The following CHD9 variants were observed in gnomAD, a reference collection of about 807,000 sequenced individuals.
CHD9 encodes ATP-dependent chromatin remodeler CHD9.
Under a neutral mutation model 316.1 loss-of-function variants are expected in CHD9, and 77 were observed. That is an observed-to-expected ratio of 0.24 (90% CI 0.20 to 0.29). CHD9 has a LOEUF of 0.29. Among genes scored for constraint, CHD9 ranks in the 10% least tolerant of loss-of-function variants. CHD9 has a pLI of 1.00. For missense variants in CHD9, 2,763 were observed against 3,438.1 expected, an observed-to-expected ratio of 0.80 and a Z score of 4.91; for synonymous variants, 1,129 against 1,158.3, an observed-to-expected ratio of 0.97 and a Z score of 0.51.
chr16:53,254,771 T>C, intron 18 of CHD9, 166 bp downstream of exon 18: 1 of 458,670 alleles, frequency 2.2e-6, no homozygotes, highest in Non-Finnish European at 3.8e-6. Flanking sequence ...TACTTTTGAA[T>C]CCTTTTCTTT....
intron 24 of CHD9, among the ~76,000 whole-genome samples, chr16:53,278,454 C>T (rs1720243487): frequency 6.6e-6 from 1 of 152,030 alleles, no homozygotes; most frequent in Non-Finnish European, 1.5e-5. Context: ...GAAATAAAGC[C>T]AAACACAGCC....
intron 36 of CHD9, among the ~76,000 whole-genome samples, chr16:53,317,768 GT>G (rs2056991086): frequency 6.6e-6 from 1 of 152,120 alleles, no homozygotes; most frequent in Admixed American, 6.5e-5. Context: ...TTAAAATAAT[GT>G]TTGGCCAGGC....
At position 53,156,376 on chromosome 16, in the gene CHD9, C is replaced by T. The variant is rs776447998; in HGVS notation, c.287C>T (p.Pro96Leu). ...FGSPAEHVLS[P>L]HSQFNCSPIH... is the part of the protein sequence containing the mutation. Reference sequence around the variant, plus strand: ...AGCCCAGCTGAACATGTGTTATCTCCACACTCTCAGTTTAATTGTTCTCCA... The same window carrying T: ...AGCCCAGCTGAACATGTGTTATCTCTACACTCTCAGTTTAATTGTTCTCCA... Residue 96 changes from proline to leucine, a missense_variant, in exon 2 of 39, where the codon CCA becomes CTA. Coordinates refer to ENST00000447540, the MANE Select transcript of CHD9 (RefSeq NM_001308319.2). 1 of 1,613,958 alleles carries T rather than the reference C, an allele frequency of 6.2e-7. No individual in the cohort carries two copies. Among genetic ancestry groups the T allele is most frequent in the South Asian group, 1.1e-5 (1 of 91,084 alleles).
At chr16:53,206,828 T>C (rs1307805431) in intron 2 of CHD9, among the ~76,000 whole-genome samples, 1 of 152,216 alleles carries the variant, frequency 6.6e-6, no homozygotes, top group Non-Finnish European at 1.5e-5. Flanking sequence ...CTTGTCTCCA[T>C]TATCACTGTT....
chr16:53,119,649 A>G (rs1211456484), intron 1 of CHD9, among the ~76,000 whole-genome samples: 1 of 152,206 alleles, frequency 6.6e-6, no homozygotes, highest in African/African-American at 2.4e-5. Flanking sequence ...CCTGGCCAAC[A>G]TGGTGAAATC....
At chr16:53,251,073 A>G (rs1471253737) in intron 17 of CHD9, among the ~76,000 whole-genome samples, 1 of 152,258 alleles carries the variant, frequency 6.6e-6, no homozygotes, top group Non-Finnish European at 1.5e-5. Flanking sequence ...TTAATAAGCC[A>G]GAGACCACCA....
chr16:53,115,178 G>A (rs2038195592), intron 1 of CHD9, among the ~76,000 whole-genome samples: 1 of 152,140 alleles, frequency 6.6e-6, no homozygotes, highest in Non-Finnish European at 1.5e-5. Context: ...AATGTTTATA[G>A]CAGCCTAGAG....
chr16:53,196,772 T>C (rs776361456), intron 2 of CHD9, among the ~76,000 whole-genome samples: 1 of 152,232 alleles, frequency 6.6e-6, no homozygotes, highest in South Asian at 2.1e-4. Context: ...GATTGCACTT[T>C]TCTGTAAATT....
At chr16:53,162,399 A>G (rs765701250) in intron 2 of CHD9, among the ~76,000 whole-genome samples, 1 of 152,234 alleles carries the variant, frequency 6.6e-6, no homozygotes, top group Non-Finnish European at 1.5e-5. Flanking sequence ...TGAGAGAATA[A>G]TACTCTGAAC....
chr16:53,290,951 G>A (rs1250454362), intron 27 of CHD9, among the ~76,000 whole-genome samples: 1 of 152,146 alleles, frequency 6.6e-6, no homozygotes, highest in Non-Finnish European at 1.5e-5. Flanking sequence ...CAATAAGAAA[G>A]AAGCACTATG....
At chr16:53,271,735 G>A (rs949084668) in intron 22 of CHD9, among the ~76,000 whole-genome samples, 11 of 152,040 alleles carry the variant, frequency 7.2e-5, no homozygotes, top group Non-Finnish European at 1.3e-4. Flanking sequence ...TGTAAAAACA[G>A]TGAAAGCAGA....
intron 1 of CHD9, among the ~76,000 whole-genome samples, chr16:53,096,056 A>G (rs980632926): frequency 7.2e-6 from 1 of 138,616 alleles, no homozygotes; most frequent in Non-Finnish European, 1.6e-5. Flanking sequence ...GACTGTGAAG[A>G]TTTTTTTTTT....
chr16:53,101,095 A>G (rs1200026240), intron 1 of CHD9, among the ~76,000 whole-genome samples: 1 of 152,140 alleles, frequency 6.6e-6, no homozygotes, highest in Non-Finnish European at 1.5e-5. Context: ...CTCTGGCTAC[A>G]TTAGGATTTA....
intron 26 of CHD9, among the ~76,000 whole-genome samples, chr16:53,286,931 T>C (rs1297889271): frequency 6.6e-6 from 1 of 151,972 alleles, no homozygotes; most frequent in Non-Finnish European, 1.5e-5. Flanking sequence ...AAAAAAAAAG[T>C]CTGTACATGT....
At position 53,100,811 on chromosome 16, in the gene CHD9, G is replaced by A. The variant is rs543892832; in HGVS notation, c.-165+45734G>A. On this transcript the variant is annotated intron_variant, in intron 1 of 38. Coordinates refer to ENST00000447540, the MANE Select transcript of CHD9 (RefSeq NM_001308319.2). ...AAACACTTAGAAGCTCTATGACATT[G>A]GCAAGTCACTATAGGCCTCTGTCTC... 3.9e-5 allele frequency among the ~76,000 whole-genome samples: 6 copies of A among 152,252 alleles called. No individual in the cohort carries two copies. The South Asian group carries it at 1.2e-3, about 32-fold the overall frequency.
intron 1 of CHD9, among the ~76,000 whole-genome samples, chr16:53,067,036 G>A (rs2033592411): frequency 6.6e-6 from 1 of 152,144 alleles, no homozygotes; most frequent in Admixed American, 6.5e-5. Flanking sequence ...TCTGCCTCCT[G>A]GGCTCAAGCC....
intron 16 of CHD9, among the ~76,000 whole-genome samples, chr16:53,249,205 G>A (rs549179657): frequency 8.5e-5 from 13 of 152,220 alleles, no homozygotes; most frequent in African/African-American, 2.4e-4. Context: ...AGAGATAACC[G>A]CGGAGAGACT....
intron 3 of CHD9, among the ~76,000 whole-genome samples, chr16:53,210,643 T>C (rs2046257823): frequency 6.6e-6 from 1 of 152,048 alleles, no homozygotes; most frequent in Non-Finnish European, 1.5e-5. Context: ...AAATTTGACA[T>C]AAAGGGGTCA....
intron 8 of CHD9, among the ~76,000 whole-genome samples, chr16:53,229,690 G>A (rs1444754281): frequency 1.3e-5 from 2 of 152,124 alleles, no homozygotes; most frequent in Non-Finnish European, 2.9e-5. Flanking sequence ...ATTTTAACTA[G>A]ATTTCCGAAA....
Sources: allele counts gnomAD v4.1 joint callset (sites outside exome capture counted in the v4.1 genomes callset), GRCh38; gene constraint gnomAD v4.1.1; transcripts MANE v1.5; gene names NCBI Gene and HGNC (gene_info 2026-07-23, HGNC 2026-07-21).